The following PRKAG2 variants were observed in gnomAD, a reference collection of about 807,000 sequenced individuals.
PRKAG2 encodes 5'-AMP-activated protein kinase subunit gamma-2.
Under a neutral mutation model 69.6 loss-of-function variants are expected in PRKAG2, and 26 were observed. The observed-to-expected ratio is 0.37, with a 90% CI of 0.27 to 0.52. The LOEUF (loss-of-function observed/expected upper bound fraction) is 0.52. Among genes scored for constraint, PRKAG2 ranks in the 20% least tolerant of loss-of-function variants. PRKAG2 has a pLI of 0.90. For synonymous variants in PRKAG2, 293 were observed against 285.0 expected (o/e 1.03, Z -0.28); for missense variants, 557 against 740.0 (o/e 0.75, Z 2.87).
In PRKAG2 at chr7:151,632,321, G is replaced by GGCCGCC. The variant is rs772485064; in HGVS notation, c.685-189_685-184dup. The GGCCGCC allele has an allele frequency of 2.8e-3, 2,191 of 793,926 alleles. 8 individuals carry two copies. The highest frequency in any genetic ancestry group is 3.0e-3 in the Non-Finnish European group (1,982 of 658,262). 49.2% of individuals were successfully genotyped at this position (793,926 alleles called of 1,614,324 possible). A position where few individuals can be genotyped will look rare whatever the true frequency, so the allele number is the denominator to read the frequency against. On this transcript the variant is annotated intron_variant, in intron 4 of 15. Coordinates refer to ENST00000287878, the MANE Select transcript of PRKAG2 (RefSeq NM_016203.4). This position sits in a 1 kb window ranked among gnomAD's most constrained non-coding sequence, Gnocchi z 4.2. ...GGGAGCGCTGCCCCCACCCGCCCGA[G>GGCCGCC]GCCGCCGCCGCCGCCGCAGGTGGCG...
At chr7:151,753,868 T>C (rs1314004769) in intron 3 of PRKAG2, among the ~76,000 whole-genome samples, 2 of 152,080 alleles carry the variant, frequency 1.3e-5, no homozygotes, top group Non-Finnish European at 2.9e-5. Flanking sequence ...ACCCCATCTC[T>C]ACAAAATATT....
chr7:151,607,887 A>G (rs12113155), intron 5 of PRKAG2, among the ~76,000 whole-genome samples: 1 of 152,060 alleles, frequency 6.6e-6, no homozygotes, highest in East Asian at 1.9e-4. Context: ...CCGCAAAAAG[A>G]CAGGTCCACT....
chr7:151,736,071 G>A, intron 3 of PRKAG2: 3 of 1,528,974 alleles, frequency 2.0e-6, no homozygotes, highest in Non-Finnish European at 2.6e-6. Flanking sequence ...CAGGTGGCCG[G>A]GAGCCAGAGG....
intron 3 of PRKAG2, among the ~76,000 whole-genome samples, chr7:151,696,272 G>C (rs562043489): frequency 1.3e-5 from 2 of 152,198 alleles, no homozygotes; most frequent in Non-Finnish European, 2.9e-5. Context: ...TGGCGCGCCC[G>C]GGGCCTTCTC....
intron 1 of PRKAG2, among the ~76,000 whole-genome samples, chr7:151,854,383 T>C (rs1306032472): frequency 6.6e-6 from 1 of 152,232 alleles, no homozygotes; most frequent in Non-Finnish European, 1.5e-5. Context: ...AGCTGGATGC[T>C]TGTGGGGCCT....
chr7:151,608,091 G>A (rs1489688884), intron 5 of PRKAG2, among the ~76,000 whole-genome samples: 2 of 152,140 alleles, frequency 1.3e-5, no homozygotes, highest in African/African-American at 4.8e-5. Context: ...AGGCTGGGGC[G>A]ACGCAGCGAC....
rs952005549 is a variant in PRKAG2, at chr7:151,823,467, T to C, written c.115-36926A>G. Among the ~76,000 whole-genome samples the C allele has an allele frequency of 9.4e-5, 14 of 148,968 alleles. 1 individual carries two copies. Among genetic ancestry groups the C allele is most frequent in the Non-Finnish European group, 1.5e-4 (10 of 66,902 alleles). On this transcript the variant is annotated intron_variant, in intron 1 of 15. Transcript: ENST00000287878. Reference sequence around the variant, plus strand: ...TGAATTTGGCCCCATTTGTGAGTGGTCACATGGGCCAGGCACCGTGGTGGG... The same window carrying C: ...TGAATTTGGCCCCATTTGTGAGTGGCCACATGGGCCAGGCACCGTGGTGGG...
chr7:151,590,398 G>A (rs894559806), intron 6 of PRKAG2, among the ~76,000 whole-genome samples: 6 of 152,206 alleles, frequency 3.9e-5, no homozygotes, highest in Non-Finnish European at 7.3e-5. Flanking sequence ...CGGAATTGGT[G>A]GCATCACCAG....
intron 3 of PRKAG2, among the ~76,000 whole-genome samples, chr7:151,680,964 A>C (rs1441887632): frequency 1.3e-5 from 2 of 151,866 alleles, no homozygotes; most frequent in Non-Finnish European, 2.9e-5. Flanking sequence ...GCCCATGAAA[A>C]CTCCTTGCTA....
At chr7:151,861,091 TG>T (rs1037949119) in intron 1 of PRKAG2, among the ~76,000 whole-genome samples, 6 of 152,188 alleles carry the variant, frequency 3.9e-5, no homozygotes, top group Admixed American at 1.3e-4. Context: ...CCTTCAGCCC[TG>T]GGGGCTCAAG....
intron 3 of PRKAG2, among the ~76,000 whole-genome samples, chr7:151,702,272 C>A (rs542006723): frequency 9.9e-5 from 15 of 152,216 alleles, no homozygotes; most frequent in African/African-American, 9.6e-5. Context: ...CTTCCACATC[C>A]TTTACATCCC....
In PRKAG2 at chr7:151,835,299, G is replaced by T. The variant is rs79092185; in HGVS notation, c.114+41208C>A. On this transcript the variant is annotated intron_variant, in intron 1 of 15. Transcript: ENST00000287878. The surrounding 1 kb of genome is among the most constrained non-coding windows in gnomAD (Gnocchi z 4.1). ...ACACACACGATCTTGGCTCACTGCA[G>T]CCTTGACCTCCTGGGCTCAAGTGAT... 6.6e-6 allele frequency among the ~76,000 whole-genome samples: 1 copy of T among 152,106 alleles called. No individual in the cohort carries two copies. Among genetic ancestry groups the T allele is most frequent in the Non-Finnish European group, 1.5e-5 (1 of 68,024 alleles).
At chr7:151,768,144 A>C (rs893135973) in intron 3 of PRKAG2, among the ~76,000 whole-genome samples, 1 of 152,208 alleles carries the variant, frequency 6.6e-6, no homozygotes, top group Admixed American at 6.5e-5. Flanking sequence ...GAAAGGAACT[A>C]TATGTGGGGG....
chr7:151,786,751 C>T (rs2077031481), intron 1 of PRKAG2, among the ~76,000 whole-genome samples: 1 of 152,204 alleles, frequency 6.6e-6, no homozygotes, highest in Non-Finnish European at 1.5e-5. Context: ...GTCAAACTTC[C>T]AGGAGCAGCC....
At chr7:151,845,860 A>G (rs1288119864) in intron 1 of PRKAG2, among the ~76,000 whole-genome samples, 1 of 152,198 alleles carries the variant, frequency 6.6e-6, no homozygotes, top group East Asian at 1.9e-4. Flanking sequence ...TTAGCCCCAG[A>G]GTCTGCCGCT....
At position 151,567,495 on chromosome 7, in the gene PRKAG2, C is replaced by G. The variant is rs1806525772; in HGVS notation, c.1233+1221G>C. The stretch of plus-strand genomic sequence containing the variant: ...AGGATTAAGTGAGCTGCAGGCCTGG[C>G]ACGTGGGGGCCCTGAATACATCCTT... On this transcript the variant is annotated intron_variant, in intron 11 of 15. Coordinates refer to ENST00000287878, the MANE Select transcript of PRKAG2 (RefSeq NM_016203.4). This position sits in a 1 kb window ranked among gnomAD's most constrained non-coding sequence, Gnocchi z 4.2. Among the ~76,000 whole-genome samples, 1 of 152,102 alleles carries G rather than the reference C, an allele frequency of 6.6e-6. No homozygotes were observed. The highest frequency in any genetic ancestry group is 1.5e-5 in the Non-Finnish European group (1 of 68,026).
chr7:151,875,562 G>GGTTGT (rs1554622418), intron 1 of PRKAG2, among the ~76,000 whole-genome samples: 2 of 131,344 alleles, frequency 1.5e-5, no homozygotes, highest in Non-Finnish European at 3.2e-5. Flanking sequence ...GGAGCACTCT[G>GGTTGT]GTGTGTGTGT....
rs1388549258 is a variant in PRKAG2 at position 151,814,854 on chromosome 7, G to A, written c.115-28313C>T. ...ACTGTCATTCCCACCTGTGTCAGGCGCTGCTGGGGAGGAAACTCCTTACCA... is the reference window on the plus strand; with the variant it reads ...ACTGTCATTCCCACCTGTGTCAGGCACTGCTGGGGAGGAAACTCCTTACCA... On this transcript the variant is annotated intron_variant, in intron 1 of 15. Transcript: ENST00000287878. This position sits in a 1 kb window ranked among gnomAD's most constrained non-coding sequence, Gnocchi z 4.8. 67 of 1,231,784 alleles carry A rather than the reference G, an allele frequency of 5.4e-5. No homozygotes were observed. The highest frequency in any genetic ancestry group is 1.6e-4 in the East Asian group (5 of 31,702). The allele number at this position is 1,231,784 out of a possible 1,614,324, so 76.3% of individuals were successfully genotyped here.
At chr7:151,627,274 G>A (rs544611227) in intron 5 of PRKAG2, among the ~76,000 whole-genome samples, 13 of 152,216 alleles carry the variant, frequency 8.5e-5, no homozygotes, top group African/African-American at 2.6e-4. Flanking sequence ...TACGAAAAGT[G>A]GCCCCTACTT....
Sources: gnomAD v4.1 joint callset for allele counts (sites outside exome capture counted in the v4.1 genomes callset) on GRCh38, gnomAD v4.1.1 for gene constraint, Gnocchi (gnomAD v3.1) non-coding constraint, MANE v1.5 for transcripts, NCBI Gene and HGNC (gene_info 2026-07-23, HGNC 2026-07-21) for gene names.